Variants in SELENOT observed in about 807,000 individuals in gnomAD.
SELENOT encodes the protein thioredoxin reductase-like selenoprotein T.
SELENOT carries 9 observed loss-of-function variants against 24.3 expected under a neutral mutation model. The ratio of observed to expected loss-of-function variants is 0.37; its 90% CI spans 0.22 to 0.65. The LOEUF (loss-of-function observed/expected upper bound fraction) is 0.65, where lower values mean the gene tolerates loss of function less well. SELENOT is among the 30% of genes least tolerant of loss of function. The pLI, the probability that SELENOT is intolerant of heterozygous loss-of-function variation, is 0.60. For synonymous variants in SELENOT, 81 were observed against 86.0 expected, an observed-to-expected ratio of 0.94 and a Z score of 0.32; for missense variants, 166 against 247.6, an observed-to-expected ratio of 0.67 and a Z score of 2.21.
At chr3:150,616,377 G>C (rs1358942105) in intron 1 of SELENOT, among the ~76,000 whole-genome samples, 1 of 143,684 alleles carries the variant, frequency 7.0e-6, no homozygotes, top group Non-Finnish European at 1.5e-5. Flanking sequence ...AAGAGCTTCT[G>C]CACAGCAAAA....
intron 1 of SELENOT, among the ~76,000 whole-genome samples, chr3:150,618,397 T>C (rs1318194852): frequency 6.6e-6 from 1 of 152,184 alleles, no homozygotes; most frequent in African/African-American, 2.4e-5. Context: ...TGAGATCTTG[T>C]TCATGTTGTC....
chr3:150,608,301 T>G (rs1358412108), intron 1 of SELENOT, among the ~76,000 whole-genome samples: 1 of 152,198 alleles, frequency 6.6e-6, no homozygotes, highest in Non-Finnish European at 1.5e-5. Flanking sequence ...AAACTTAAAT[T>G]AACAGTTACT....
At chr3:150,619,554 T>C (rs183797172) in intron 1 of SELENOT, among the ~76,000 whole-genome samples, 57 of 152,282 alleles carry the variant, frequency 3.7e-4, no homozygotes, top group African/African-American at 1.4e-3. Context: ...AAGATTTCTT[T>C]TCAGGAGTTA....
At chr3:150,605,037 C>CAAAAAAA (rs10663147) in intron 1 of SELENOT, among the ~76,000 whole-genome samples, 22 of 117,160 alleles carry the variant, frequency 1.9e-4, no homozygotes, top group African/African-American at 7.3e-4. Flanking sequence ...AACTCCGTCT[C>CAAAAAAA]AAAAAAAAAA....
At position 150,606,575 on chromosome 3, in the gene SELENOT, G is replaced by A. The variant is rs554674401; in HGVS notation, c.137+3076G>A. 6.6e-5 allele frequency among the ~76,000 whole-genome samples: 10 copies of A among 152,242 alleles called. No homozygotes were observed. The East Asian group carries it at 1.7e-3, about 26-fold the overall frequency. ...CGTTTAACACTTAACATAGAAAAAG[G>A]AAGTTCTCTAATCAGAGCTTAAAAT... On this transcript the variant is annotated intron_variant, in intron 1 of 5. Transcript: ENST00000471696.
chr3:150,625,870 C>CT (rs34698339), intron 4 of SELENOT, among the ~76,000 whole-genome samples: 1,469 of 139,272 alleles, frequency 0.011, 17 homozygotes, highest in African/African-American at 0.029. Context: ...TAAACAATAA[C>CT]TTTTTTTTTT....
At chr3:150,626,800 C>G in intron 4 of SELENOT, 1 of 514,342 alleles carries the variant, frequency 1.9e-6, no homozygotes, top group Non-Finnish European at 3.4e-6. Flanking sequence ...AGTTTTAGTT[C>G]TAAGTACACA....
chr3:150,621,277 C>CA (rs368840175), intron 1 of SELENOT, among the ~76,000 whole-genome samples: 5 of 152,064 alleles, frequency 3.3e-5, no homozygotes, highest in African/African-American at 1.2e-4. Context: ...ACACCCCCCC[C>CA]AAAAAACACA....
intron 1 of SELENOT, chr3:150,611,436 T>A: frequency 7.9e-7 from 1 of 1,263,098 alleles, no homozygotes. Context: ...TTAAGTGTCT[T>A]TTGTATCTCC....
chr3:150,612,197 A>G (rs1485636655), intron 1 of SELENOT, among the ~76,000 whole-genome samples: 1 of 151,572 alleles, frequency 6.6e-6, no homozygotes, highest in African/African-American at 2.4e-5. Context: ...GGCTCAAGCT[A>G]TTCTCCTGCC....
rs773679602 is a variant in SELENOT at position 150,623,141 on chromosome 3, G to A, written c.347G>A (p.Ser116Asn). The change falls in exon 3 of 6, where the codon AGC becomes AAC. Residue 116 changes from serine (S) to asparagine (N), a missense_variant. By Grantham distance (46) the Ser-to-Asn change is conservative (BLOSUM62 1). This residue lies in a region of SELENOT where 71 missense variants were observed against 89.2 expected (regional missense o/e 0.80). Transcript: ENST00000471696. ...PFAFFGMQAPSIWQWGQENKV... is the reference protein window; with the variant it reads ...PFAFFGMQAPNIWQWGQENKV... The stretch of plus-strand genomic sequence containing the variant: ...GCTTTCTTTGGCATGCAAGCTCCTA[G>A]CATCTGGCAGTGGGGCCAAGAAAAT... 6.2e-7 allele frequency: 1 copy of A among 1,604,786 alleles called. No individual in the cohort carries two copies. The highest frequency in any genetic ancestry group is 8.5e-7 in the Non-Finnish European group (1 of 1,175,780).
intron 1 of SELENOT, among the ~76,000 whole-genome samples, chr3:150,622,033 T>C (rs1726355268): frequency 6.6e-6 from 1 of 152,122 alleles, no homozygotes; most frequent in Non-Finnish European, 1.5e-5. Flanking sequence ...GCCAAATCTG[T>C]GTGAGAGCTC....
intron 1 of SELENOT, among the ~76,000 whole-genome samples, chr3:150,613,948 CACAGGAGAAAGCACAT>C (rs201655322): frequency 0.058 from 8,803 of 151,738 alleles, 332 homozygotes; most frequent in Non-Finnish European, 0.082. Flanking sequence ...CCACCCTGGC[CACAGGAGAAAGCACAT>C]GCAGGAGAAA....
At chr3:150,603,840 G>C (rs1012996855) in intron 1 of SELENOT, among the ~76,000 whole-genome samples, 1 of 152,410 alleles carries the variant, frequency 6.6e-6, no homozygotes, top group Admixed American at 6.5e-5. Flanking sequence ...CCGGCTGCCT[G>C]CGGAGATGGG....
intron 1 of SELENOT, chr3:150,611,366 A>G: frequency 8.4e-7 from 1 of 1,193,108 alleles, no homozygotes; most frequent in Non-Finnish European, 1.3e-6. Context: ...ATAGACCTAA[A>G]GTGGCAACCA....
At chr3:150,622,894 A>AC (rs1726371618) in intron 2 of SELENOT, 149 bp from the exon 3 acceptor site, 4 of 579,194 alleles carry the variant, frequency 6.9e-6, no homozygotes, top group Admixed American at 4.2e-5. Flanking sequence ...TTTTTGTTTT[A>AC]ACACTGCACA....
chr3:150,612,196 T>A (rs1212022722), intron 1 of SELENOT, among the ~76,000 whole-genome samples: 1 of 151,874 alleles, frequency 6.6e-6, no homozygotes, highest in Non-Finnish European at 1.5e-5. Context: ...CGGCTCAAGC[T>A]ATTCTCCTGC....
intron 1 of SELENOT, 30 bp downstream of exon 1, chr3:150,603,529 C>G (rs368241110): frequency 1.2e-5 from 18 of 1,552,926 alleles, no homozygotes; most frequent in Non-Finnish European, 1.4e-5. Context: ...CCCGGCCACC[C>G]CGCCGCGCCT....
chr3:150,611,606 G>C (rs1320207471), intron 1 of SELENOT: 2 of 1,436,312 alleles, frequency 1.4e-6, no homozygotes, highest in African/African-American at 2.8e-5. Context: ...AGATGCCTGC[G>C]CTCTTATCCA....
Sources: allele counts gnomAD v4.1 joint callset (sites outside exome capture counted in the v4.1 genomes callset), GRCh38; gene constraint gnomAD v4.1.1; regional missense constraint gnomAD v4.1.1; transcripts MANE v1.5; gene names NCBI Gene and HGNC (gene_info 2026-07-23, HGNC 2026-07-21).